Variants in CADM2 observed in about 807,000 individuals in gnomAD.
CADM2 encodes immunoglobulin superfamily member 4D.
Under a neutral mutation model 49.8 loss-of-function variants are expected in CADM2, and 12 were observed. The observed-to-expected ratio is 0.24, with a 90% CI of 0.15 to 0.39. CADM2 has a LOEUF of 0.39. Ranked by LOEUF, CADM2 falls within the 10% of genes least tolerant of loss-of-function variation. The probability of loss-of-function intolerance (pLI) is 1.00; values close to 1 mark genes in which losing one functional copy is unlikely to be tolerated. For synonymous variants in CADM2, 214 were observed against 175.4 expected (o/e 1.22, Z -1.74); for missense variants, 378 against 492.3 (o/e 0.77, Z 2.20).
At chr3:85,224,943 C>T (rs1158880425) in intron 1 of CADM2, among the ~76,000 whole-genome samples, 1 of 152,022 alleles carries the variant, frequency 6.6e-6, no homozygotes, top group African/African-American at 2.4e-5. Context: ...GGCCTCTGTT[C>T]TGTTCCATTG....
rs2038494990 is a variant in CADM2 at position 85,112,501 on chromosome 3, A to G, written c.61+152833A>G. On this transcript the variant is annotated intron_variant, in intron 1 of 9. Transcript: ENST00000383699. ...TCCTCTGTACTTCAGCTGAATTACCAAAAAGTAGGAGGAAAAGTCACTGCT... is the reference window on the plus strand; with the variant it reads ...TCCTCTGTACTTCAGCTGAATTACCGAAAAGTAGGAGGAAAAGTCACTGCT... 3.9e-5 allele frequency among the ~76,000 whole-genome samples: 6 copies of G among 151,998 alleles called. No individual in the cohort carries two copies. In the South Asian group the frequency reaches 1.2e-3, roughly 32 times the overall value.
At chr3:85,108,755 A>G (rs1475591390) in intron 1 of CADM2, among the ~76,000 whole-genome samples, 3 of 152,282 alleles carry the variant, frequency 2.0e-5, no homozygotes, top group Admixed American at 6.5e-5. Flanking sequence ...AAACTTTACA[A>G]TAAATTGTTA....
chr3:85,941,530 A>T (rs1187178017), intron 7 of CADM2, among the ~76,000 whole-genome samples: 1 of 152,046 alleles, frequency 6.6e-6, no homozygotes, highest in Non-Finnish European at 1.5e-5. Context: ...AGTGTCATGA[A>T]CCTCAGTTGG....
At chr3:85,359,873 T>G (rs2032226307) in intron 1 of CADM2, among the ~76,000 whole-genome samples, 1 of 150,764 alleles carries the variant, frequency 6.6e-6, no homozygotes, top group Non-Finnish European at 1.5e-5. Flanking sequence ...TAAACTAAAT[T>G]ACTATATTTA....
intron 1 of CADM2, among the ~76,000 whole-genome samples, chr3:85,499,536 A>G (rs7618124): frequency 0.59 from 88,361 of 150,964 alleles, 27,588 homozygotes; most frequent in East Asian, 0.93. Context: ...TTTATATTAC[A>G]TAAATTAATA....
At chr3:85,419,169 G>A (rs1467688058) in intron 1 of CADM2, among the ~76,000 whole-genome samples, 1 of 152,094 alleles carries the variant, frequency 6.6e-6, no homozygotes, top group African/African-American at 2.4e-5. Context: ...AAAACATGCA[G>A]TGAGGGCCGG....
At chr3:85,917,383 T>A (rs915193877) in intron 6 of CADM2, among the ~76,000 whole-genome samples, 1 of 152,106 alleles carries the variant, frequency 6.6e-6, no homozygotes, top group African/African-American at 2.4e-5. Flanking sequence ...GCTTTCTACA[T>A]ATGGCTAGCC....
chr3:85,206,973 C>G (rs543920111), intron 1 of CADM2, among the ~76,000 whole-genome samples: 2 of 151,772 alleles, frequency 1.3e-5, no homozygotes, highest in Admixed American at 6.6e-5. Flanking sequence ...AACCTCCCCC[C>G]CTTCAAAAAA....
intron 5 of CADM2, among the ~76,000 whole-genome samples, chr3:85,904,505 A>T (rs1716530448): frequency 6.6e-6 from 1 of 152,186 alleles, no homozygotes; most frequent in Non-Finnish European, 1.5e-5. Context: ...AATTAGGGAG[A>T]AAGTCATGGT....
intron 1 of CADM2, among the ~76,000 whole-genome samples, chr3:85,162,128 G>A (rs2040346025): frequency 6.6e-6 from 1 of 152,198 alleles, no homozygotes; most frequent in South Asian, 2.1e-4. Flanking sequence ...ATATCTAACT[G>A]CTAGGCATTT....
intron 1 of CADM2, among the ~76,000 whole-genome samples, chr3:85,393,426 A>G (rs1331900134): frequency 6.6e-6 from 1 of 152,170 alleles, no homozygotes; most frequent in Non-Finnish European, 1.5e-5. Context: ...TGCAGAATGG[A>G]GGTGAATGTT....
At chr3:84,978,993 A>G (rs2032000952) in intron 1 of CADM2, among the ~76,000 whole-genome samples, 1 of 152,094 alleles carries the variant, frequency 6.6e-6, no homozygotes, top group African/African-American at 2.4e-5. Context: ...TGGCTGTGCC[A>G]TTGGCTCCCC....
chr3:85,485,796 G>A (rs967327168), intron 1 of CADM2, among the ~76,000 whole-genome samples: 2 of 151,976 alleles, frequency 1.3e-5, no homozygotes, highest in Admixed American at 1.3e-4. Context: ...TACCCCAGGA[G>A]GCACATCTAA....
intron 3 of CADM2, among the ~76,000 whole-genome samples, chr3:85,862,528 G>A (rs1344401372): frequency 1.3e-5 from 2 of 152,078 alleles, no homozygotes; most frequent in Non-Finnish European, 2.9e-5. Context: ...TTCCCCAAAT[G>A]AAAACAACAT....
chr3:85,064,078 T>C (rs1468125415), intron 1 of CADM2, among the ~76,000 whole-genome samples: 1 of 152,104 alleles, frequency 6.6e-6, no homozygotes, highest in East Asian at 1.9e-4. Flanking sequence ...ATCTGTTCAA[T>C]TGTTTTGGTA....
chr3:85,982,857 A>G (rs1391186000), intron 8 of CADM2, among the ~76,000 whole-genome samples: 1 of 151,642 alleles, frequency 6.6e-6, no homozygotes, highest in African/African-American at 2.4e-5. Context: ...CAGAAAGAAT[A>G]TTTTCAACTT....
intron 1 of CADM2, among the ~76,000 whole-genome samples, chr3:85,591,905 T>A (rs1207808165): frequency 6.6e-6 from 1 of 151,946 alleles, no homozygotes; most frequent in Non-Finnish European, 1.5e-5. Flanking sequence ...GATTGTCGAA[T>A]AGAAATTTAG....
At chr3:85,031,577 C>T (rs1046830346) in intron 1 of CADM2, among the ~76,000 whole-genome samples, 1 of 152,110 alleles carries the variant, frequency 6.6e-6, no homozygotes, top group East Asian at 1.9e-4. Context: ...TGCAGTGGCG[C>T]GATCTCGGCT....
chr3:85,694,310 A>T (rs1379236183), intron 1 of CADM2, among the ~76,000 whole-genome samples: 5 of 152,232 alleles, frequency 3.3e-5, no homozygotes, highest in Non-Finnish European at 5.9e-5. Flanking sequence ...AATCATAAGG[A>T]TGGGAGCCTA....
Sources: allele counts gnomAD v4.1 joint callset (sites outside exome capture counted in the v4.1 genomes callset), GRCh38; gene constraint gnomAD v4.1.1; transcripts MANE v1.5; gene names NCBI Gene and HGNC (gene_info 2026-07-23, HGNC 2026-07-21).